DNAH7: variants seen among roughly 807,000 people sequenced by gnomAD.
DNAH7 encodes the protein dynein axonemal heavy chain 7.
A neutral mutation model predicts 444.6 loss-of-function variants in DNAH7; 397 were observed. The observed-to-expected ratio is 0.89, with a 90% CI of 0.82 to 0.97. The LOEUF (loss-of-function observed/expected upper bound fraction) is 0.97, where lower values mean the gene tolerates loss of function less well. Among genes scored for constraint, DNAH7 ranks in the 50% least tolerant of loss-of-function variants. The pLI is 0.00. For missense variants in DNAH7, 4,902 were observed against 4,800.8 expected (o/e 1.02, Z -0.62); for synonymous variants, 1,636 against 1,624.4 (o/e 1.01, Z -0.17).
chr2:195,928,374 T>C (rs1688476840), intron 21 of DNAH7, among the ~76,000 whole-genome samples: 1 of 152,188 alleles, frequency 6.6e-6, no homozygotes, highest in South Asian at 2.1e-4. Context: ...AGGAGTAGTT[T>C]AAATATTATC....
chr2:195,788,723 G>A (rs949104253), intron 57 of DNAH7, among the ~76,000 whole-genome samples: 5 of 152,130 alleles, frequency 3.3e-5, no homozygotes, highest in African/African-American at 1.2e-4. Flanking sequence ...GCAGAAGAAG[G>A]GACATACAAA....
At position 195,872,386 on chromosome 2, in the gene DNAH7, T is replaced by C; in HGVS notation, c.6497A>G (p.Asn2166Ser). The change falls in exon 40 of 65, where the codon AAT (asparagine) becomes AGT (serine). Residue 2166 changes from asparagine to serine, a missense_variant. Transcript: ENST00000312428. The part of the protein sequence containing the change: ...TMTLYKEAMK[N>S]LLPTPAKSHY... The stretch of plus-strand genomic sequence containing the variant: ...AGATTTAGCTGGAGTAGGCAAGAGA[T>C]TCTTCATTGCTTCTTTATACAGAGT... 6.2e-7 allele frequency: 1 copy of C among 1,613,962 alleles called. No homozygotes were observed. Among genetic ancestry groups the C allele is most frequent in the Non-Finnish European group, 8.5e-7 (1 of 1,179,878 alleles).
rs1687806509 is a variant in DNAH7, at chr2:195,918,237, G to A, written c.3935+3851C>T. Reference sequence around the variant, plus strand: ...ATTGCAAAATAAAGCAAAATGAGATGCCACTACACATCTATTAGAATGACT... The same window carrying A: ...ATTGCAAAATAAAGCAAAATGAGATACCACTACACATCTATTAGAATGACT... On this transcript the variant is annotated intron_variant, in intron 24 of 64. Coordinates refer to ENST00000312428, the MANE Select transcript of DNAH7 (RefSeq NM_018897.3). 3.3e-5 allele frequency among the ~76,000 whole-genome samples: 5 copies of A among 152,314 alleles called. No individual in the cohort carries two copies. In the South Asian group the frequency reaches 1.0e-3, roughly 32 times the overall value.
At chr2:196,026,211 A>G (rs1293940518) in intron 7 of DNAH7, among the ~76,000 whole-genome samples, 5 of 152,228 alleles carry the variant, frequency 3.3e-5, no homozygotes, top group Admixed American at 6.5e-5. Flanking sequence ...CTATGTTCCA[A>G]TAAAACTTTA....
At position 195,793,895 on chromosome 2, in the gene DNAH7, ACCCTTATGAGT is replaced by A. The variant is rs1574445390; in HGVS notation, c.10716+432_10716+442del. Among the ~76,000 whole-genome samples the A allele has an allele frequency of 2.0e-5, 3 of 152,164 alleles. No homozygotes were observed. In the South Asian group the frequency reaches 6.2e-4, roughly 32 times the overall value. Reference sequence around the variant, plus strand: ...TGCTTGCCTGGTGACGCTAAAAAAGACCCTTATGAGTCCCATCAATCAAGAAGTAAAATCAT... The same window carrying A: ...TGCTTGCCTGGTGACGCTAAAAAAGACCCATCAATCAAGAAGTAAAATCAT... On this transcript the variant is annotated intron_variant, in intron 57 of 64. Coordinates refer to ENST00000312428, the MANE Select transcript of DNAH7 (RefSeq NM_018897.3).
At chr2:195,807,328 T>C (rs1435100046) in intron 53 of DNAH7, among the ~76,000 whole-genome samples, 1 of 152,088 alleles carries the variant, frequency 6.6e-6, no homozygotes, top group Non-Finnish European at 1.5e-5. Flanking sequence ...AGCTAACTTT[T>C]TGTATTTTTA....
At position 195,972,443 on chromosome 2, in the gene DNAH7, T is replaced by A. The variant is rs1229459742; in HGVS notation, c.1857A>T (p.Val619=). ...TCTGTTCTAGTTCAATCATATCAGT[T>A]ACCTCCACTTTCTGAATGTAAGCCT... ...EMKAYIQKVE[V]TDMIELEQRL... is the part of the protein sequence containing the mutation. Residue 619 remains valine, a synonymous_variant, in exon 16 of 65, where the codon GTA becomes GTT. Transcript: ENST00000312428. 2 of 1,613,918 alleles carry A rather than the reference T, an allele frequency of 1.2e-6. No homozygotes were observed. The highest frequency in any genetic ancestry group is 2.7e-5 in the African/African-American group (2 of 74,926).
chr2:195,794,479 A>T lies in DNAH7; in HGVS notation c.10575T>A (p.Ser3525=), dbSNP rs375654737. The T allele has an allele frequency of 8.9e-5, 143 of 1,614,064 alleles. No homozygotes were observed. The highest frequency in any genetic ancestry group is 1.2e-4 in the Non-Finnish European group (136 of 1,180,022). ...DFRMWLTSYP[S]PNFPVSVLQN... ...GCAGTACTGACACAGGGAAATTTGG[A>T]GATGGGTAACTCGTTAGCCACATTC... The change falls in exon 57 of 65, where the codon TCT becomes TCA. Residue 3525 remains serine, a synonymous_variant. Coordinates refer to ENST00000312428, the MANE Select transcript of DNAH7 (RefSeq NM_018897.3).
At chr2:195,779,434 T>C (rs1485338811) in intron 58 of DNAH7, among the ~76,000 whole-genome samples, 1 of 152,186 alleles carries the variant, frequency 6.6e-6, no homozygotes, top group Non-Finnish European at 1.5e-5. Context: ...AGCTGAAGCA[T>C]TTGTAGCAGC....
intron 48 of DNAH7, among the ~76,000 whole-genome samples, chr2:195,825,518 T>C (rs755350348): frequency 6.6e-6 from 1 of 152,218 alleles, no homozygotes; most frequent in Non-Finnish European, 1.5e-5. Flanking sequence ...TTTAAACCAG[T>C]ATTCAATTAT....
intron 47 of DNAH7, among the ~76,000 whole-genome samples, chr2:195,840,550 T>A (rs958107520): frequency 2.6e-5 from 4 of 151,732 alleles, no homozygotes; most frequent in African/African-American, 9.7e-5. Flanking sequence ...TAGAAAGTAG[T>A]AAGTTAAACT....
intron 55 of DNAH7, among the ~76,000 whole-genome samples, chr2:195,797,709 C>A (rs1696229531): frequency 2.0e-5 from 3 of 152,208 alleles, no homozygotes; most frequent in Admixed American, 2.0e-4. Flanking sequence ...CTATTCTGCA[C>A]CACCCAAATA....
At chr2:195,988,527 G>A (rs921664460) in intron 12 of DNAH7, among the ~76,000 whole-genome samples, 2 of 151,990 alleles carry the variant, frequency 1.3e-5, no homozygotes, top group Non-Finnish European at 2.9e-5. Flanking sequence ...ATAAAAAACA[G>A]CAAGATATAC....
At chr2:195,976,741 GGCAGAC>G (rs1350592901) in intron 15 of DNAH7, among the ~76,000 whole-genome samples, 73 of 73,282 alleles carry the variant, frequency 1.0e-3, no homozygotes, top group African/African-American at 3.4e-3. Flanking sequence ...GAGACAGAGA[GGCAGAC>G]AGAGAGAGAG....
At chr2:195,880,328 T>A (rs948547084) in intron 36 of DNAH7, among the ~76,000 whole-genome samples, 1 of 146,004 alleles carries the variant, frequency 6.8e-6, no homozygotes. Flanking sequence ...TTCTTTCTTT[T>A]TCTTTTTTTT....
intron 20 of DNAH7, among the ~76,000 whole-genome samples, chr2:195,935,982 T>A (rs1689022689): frequency 6.6e-6 from 1 of 152,082 alleles, no homozygotes; most frequent in Non-Finnish European, 1.5e-5. Context: ...GGAAGGATAA[T>A]CTGTGTGGGG....
At chr2:195,941,982 AG>A (rs201113944) in intron 19 of DNAH7, among the ~76,000 whole-genome samples, 2,258 of 152,298 alleles carry the variant, frequency 0.015, 32 homozygotes, top group Non-Finnish European at 0.023. Context: ...ACATTTACCA[AG>A]GGCTAATACA....
At chr2:196,012,668 A>T (rs1032851865) in intron 10 of DNAH7, 119 bp downstream of exon 10, 4 of 1,014,412 alleles carry the variant, frequency 3.9e-6, no homozygotes, top group Non-Finnish European at 4.2e-6. Flanking sequence ...ATTATATTTA[A>T]ATCATGTAGA....
At chr2:195,793,313 T>C (rs1054778378) in intron 57 of DNAH7, among the ~76,000 whole-genome samples, 19 of 152,368 alleles carry the variant, frequency 1.2e-4, no homozygotes, top group Middle Eastern at 6.8e-3. Context: ...ACAAAAATTA[T>C]GATGTGCTGC....
Sources: allele counts gnomAD v4.1 joint callset (sites outside exome capture counted in the v4.1 genomes callset), GRCh38; gene constraint gnomAD v4.1.1; transcripts MANE v1.5; gene names NCBI Gene and HGNC (gene_info 2026-07-23, HGNC 2026-07-21).